Variants in JMJD1C observed in about 807,000 individuals in gnomAD.
JMJD1C encodes jumonji domain containing 1C, also known as jumonji domain-containing protein 1C.
JMJD1C carries 31 observed loss-of-function variants against 245.3 expected under a neutral mutation model. The ratio of observed to expected loss-of-function variants is 0.13; its 90% CI spans 0.09 to 0.17. The LOEUF (loss-of-function observed/expected upper bound fraction) is 0.17. Ranked by LOEUF, JMJD1C falls within the 10% of genes least tolerant of loss-of-function variation. JMJD1C has a pLI of 1.00. For missense variants in JMJD1C, 2,691 were observed against 3,000.2 expected (o/e 0.90, Z 2.41); for synonymous variants, 1,057 against 1,017.4 (o/e 1.04, Z -0.74).
At chr10:63,241,799 CA>C (rs1317385927) in intron 3 of JMJD1C, among the ~76,000 whole-genome samples, 6 of 152,130 alleles carry the variant, frequency 3.9e-5, no homozygotes, top group Non-Finnish European at 8.8e-5. Context: ...TTATAGGAGG[CA>C]ACAAATTTTT....
intron 1 of JMJD1C, among the ~76,000 whole-genome samples, chr10:63,505,812 C>T (rs1954701015): frequency 8.0e-6 from 1 of 125,722 alleles, no homozygotes; most frequent in African/African-American, 3.0e-5. Flanking sequence ...TAGCCCTCCT[C>T]CCCCCACAGT....
chr10:63,471,342 C>G (rs923348018), intron 1 of JMJD1C, among the ~76,000 whole-genome samples: 4 of 152,198 alleles, frequency 2.6e-5, no homozygotes, highest in Non-Finnish European at 5.9e-5. Context: ...CTCAAAATCT[C>G]TGCATGCTAA....
intron 2 of JMJD1C, among the ~76,000 whole-genome samples, chr10:63,316,758 C>T (rs1198106518): frequency 1.3e-5 from 2 of 152,120 alleles, no homozygotes; most frequent in African/African-American, 4.8e-5. Context: ...AATATTCATA[C>T]ATTTTTATGT....
intron 2 of JMJD1C, among the ~76,000 whole-genome samples, chr10:63,286,939 G>C (rs150868338): frequency 6.6e-6 from 1 of 152,184 alleles, no homozygotes; most frequent in East Asian, 1.9e-4. Flanking sequence ...CATACTAAGA[G>C]GAACAAAGAA....
At position 63,262,412 on chromosome 10, in the gene JMJD1C, A is replaced by C. The variant is rs559787020; in HGVS notation, c.447+2239T>G. 1.6e-4 allele frequency among the ~76,000 whole-genome samples: 24 copies of C among 152,320 alleles called. No individual in the cohort carries two copies. In the South Asian group the frequency reaches 4.6e-3, roughly 29 times the overall value. On this transcript the variant is annotated intron_variant, in intron 3 of 25. Coordinates refer to ENST00000399262, the MANE Select transcript of JMJD1C (RefSeq NM_032776.3). Reference sequence around the variant, plus strand: ...AAAATAAGATAAATGTCTATCATTTACACATGGGAGAAAATATTTTTATAT... The same window carrying C: ...AAAATAAGATAAATGTCTATCATTTCCACATGGGAGAAAATATTTTTATAT...
chr10:63,310,285 T>A (rs139876010), intron 2 of JMJD1C, among the ~76,000 whole-genome samples: 1 of 152,210 alleles, frequency 6.6e-6, no homozygotes, highest in Admixed American at 6.5e-5. Flanking sequence ...TTCCTTCTTT[T>A]ATGTATTAAG....
intron 2 of JMJD1C, among the ~76,000 whole-genome samples, chr10:63,379,265 A>G (rs1705689468): frequency 6.6e-6 from 1 of 152,186 alleles, no homozygotes; most frequent in Admixed American, 6.5e-5. Flanking sequence ...AATACCTGCA[A>G]TAATGTTTCA....
At chr10:63,216,167 T>A (rs771931410) in intron 5 of JMJD1C, among the ~76,000 whole-genome samples, 1 of 152,200 alleles carries the variant, frequency 6.6e-6, no homozygotes, top group Non-Finnish European at 1.5e-5. Flanking sequence ...AGGTAAAAGT[T>A]TGTCACTGTT....
chr10:63,359,658 T>C (rs1945156944), intron 2 of JMJD1C, among the ~76,000 whole-genome samples: 1 of 152,214 alleles, frequency 6.6e-6, no homozygotes, highest in African/African-American at 2.4e-5. Context: ...CTAGTTGAAA[T>C]GTTTCTTTTC....
At chr10:63,353,174 CTA>C (rs1944508748) in intron 2 of JMJD1C, among the ~76,000 whole-genome samples, 1 of 152,128 alleles carries the variant, frequency 6.6e-6, no homozygotes, top group Non-Finnish European at 1.5e-5. Flanking sequence ...AATATCTGAA[CTA>C]TGAGTCAAGT....
At chr10:63,245,103 C>T (rs1381159297) in intron 3 of JMJD1C, among the ~76,000 whole-genome samples, 1 of 134,174 alleles carries the variant, frequency 7.5e-6, no homozygotes, top group Non-Finnish European at 1.5e-5. Flanking sequence ...CACTGCACTC[C>T]AGCCTGGGCA....
rs1365369203 is a variant in JMJD1C, at chr10:63,207,529, A to G, written c.4140T>C (p.Val1380=). Residue 1380 remains valine (V), a synonymous_variant, in exon 10 of 26, where the codon GTT becomes GTC. Transcript: ENST00000399262. ...TTACAGCAGACATGACTGAACTGGG[A>G]ACACTGCCCTGTGAGACAGCCTGAA... ...KNFQAVSQGS[V]PSSVMSAVNT... 2 of 1,614,196 alleles carry G rather than the reference A, an allele frequency of 1.2e-6. No homozygotes were observed.
Position 63,207,897 on chromosome 10 carries a change from T to C in JMJD1C, c.3772A>G (p.Lys1258Glu), listed in dbSNP as rs750375034. ...CTCTTAAAATTTGCCTGGGAGTCTT[T>C]TGGTTCGGGTATTAGAGTTGGAGGC... Reference protein sequence around the residue: ...QKPPTLIPEPKDSQANFKSSS... With the variant: ...QKPPTLIPEPEDSQANFKSSS... The change falls in exon 10 of 26, where the codon AAA becomes GAA. Residue 1258 changes from lysine (K) to glutamate (E), a missense_variant. This residue lies in a region of JMJD1C where 1,562 missense variants were observed against 1,490.7 expected (regional missense o/e 1.05). Transcript: ENST00000399262. 1 of 1,614,114 alleles carries C rather than the reference T, an allele frequency of 6.2e-7. No homozygotes were observed. Among genetic ancestry groups the C allele is most frequent in the East Asian group, 2.2e-5 (1 of 44,882 alleles).
intron 1 of JMJD1C, among the ~76,000 whole-genome samples, chr10:63,443,476 A>G (rs74792611): frequency 0.019 from 2,942 of 152,018 alleles, 99 homozygotes; most frequent in African/African-American, 0.065. Context: ...GCACCCCGCT[A>G]ATTTTTGTAA....
rs1339654999 is a variant in JMJD1C, at chr10:63,444,406, T to C, written c.168+21089A>G. 7.2e-5 allele frequency among the ~76,000 whole-genome samples: 11 copies of C among 152,080 alleles called. No individual in the cohort carries two copies. The East Asian group carries it at 1.9e-3, about 27-fold the overall frequency. ...CTCCTGCCTCAGCCTCCCGAGTAGCTAGGATTACAGGCGCATGCCACCACA... is the reference window on the plus strand; with the variant it reads ...CTCCTGCCTCAGCCTCCCGAGTAGCCAGGATTACAGGCGCATGCCACCACA... On this transcript the variant is annotated intron_variant, in intron 1 of 25. Coordinates refer to ENST00000399262, the MANE Select transcript of JMJD1C (RefSeq NM_032776.3).
At chr10:63,371,234 A>C (rs1199318419) in intron 2 of JMJD1C, among the ~76,000 whole-genome samples, 2 of 151,636 alleles carry the variant, frequency 1.3e-5, no homozygotes, top group Admixed American at 6.6e-5. Context: ...CTCCCGCCTC[A>C]ACCTCCCAAA....
At chr10:63,305,426 T>C (rs1937949339) in intron 2 of JMJD1C, among the ~76,000 whole-genome samples, 1 of 142,940 alleles carries the variant, frequency 7.0e-6, no homozygotes. Flanking sequence ...ACTACTACAC[T>C]CCAGCCTGGA....
chr10:63,357,046 T>C (rs1339023288), intron 2 of JMJD1C, among the ~76,000 whole-genome samples: 2 of 151,994 alleles, frequency 1.3e-5, no homozygotes, highest in Non-Finnish European at 2.9e-5. Flanking sequence ...ATTATATCTT[T>C]TTTTTTTTAA....
chr10:63,307,105 G>A (rs1938358365), intron 2 of JMJD1C, among the ~76,000 whole-genome samples: 2 of 151,892 alleles, frequency 1.3e-5, no homozygotes, highest in South Asian at 4.2e-4. Context: ...TTTTCATTTA[G>A]GTATTTTTAC....
Sources: gnomAD v4.1 joint callset for allele counts (sites outside exome capture counted in the v4.1 genomes callset) on GRCh38, gnomAD v4.1.1 for gene constraint, gnomAD v4.1.1 regional missense constraint, MANE v1.5 for transcripts, NCBI Gene and HGNC (gene_info 2026-07-23, HGNC 2026-07-21) for gene names.